Variants in BMP2K observed in about 807,000 individuals in gnomAD.
BMP2K encodes BMP-2-inducible protein kinase.
In BMP2K, 74 loss-of-function variants were observed where a neutral mutation model predicts 116.0. The observed-to-expected ratio is 0.64, with a 90% CI of 0.53 to 0.77. The LOEUF is 0.77. Ranked by LOEUF, BMP2K falls within the 30% of genes least tolerant of loss-of-function variation. The probability of loss-of-function intolerance (pLI) is 0.00; values close to 1 mark genes in which losing one functional copy is unlikely to be tolerated. For missense variants in BMP2K, 1,365 were observed against 1,403.6 expected, an observed-to-expected ratio of 0.97 and a Z score of 0.44; for synonymous variants, 486 against 502.5, an observed-to-expected ratio of 0.97 and a Z score of 0.44.
At chr4:78,838,761 T>C (rs1175919209) in intron 3 of BMP2K, among the ~76,000 whole-genome samples, 1 of 152,240 alleles carries the variant, frequency 6.6e-6, no homozygotes, top group Non-Finnish European at 1.5e-5. Flanking sequence ...ATATAGCTCA[T>C]ATCCCCTTAC....
chr4:78,811,662 C>G (rs1370676395), intron 1 of BMP2K, among the ~76,000 whole-genome samples: 2 of 152,124 alleles, frequency 1.3e-5, no homozygotes, highest in Non-Finnish European at 2.9e-5. Flanking sequence ...AATGTACAAA[C>G]AAATGAGTGC....
At chr4:78,889,055 A>G (rs965401973) in intron 15 of BMP2K, among the ~76,000 whole-genome samples, 3 of 152,078 alleles carry the variant, frequency 2.0e-5, no homozygotes, top group South Asian at 2.1e-4. Context: ...CCCCATCTCT[A>G]CTAAAAATAC....
intron 1 of BMP2K, among the ~76,000 whole-genome samples, chr4:78,793,872 T>C (rs1447817087): frequency 6.6e-6 from 1 of 152,174 alleles, no homozygotes; most frequent in Non-Finnish European, 1.5e-5. Flanking sequence ...ACAGTTTTTT[T>C]TTTACCTTGT....
intron 1 of BMP2K, among the ~76,000 whole-genome samples, chr4:78,814,956 A>G (rs1729262398): frequency 6.6e-6 from 1 of 152,118 alleles, no homozygotes; most frequent in Non-Finnish European, 1.5e-5. Context: ...GAGCTTAACT[A>G]ATTTTTCAAT....
chr4:78,799,093 C>T (rs1407315642), intron 1 of BMP2K, among the ~76,000 whole-genome samples: 4 of 152,116 alleles, frequency 2.6e-5, no homozygotes, highest in Non-Finnish European at 5.9e-5. Context: ...GCAACAGTGC[C>T]GTTCTAATTT....
intron 15 of BMP2K, among the ~76,000 whole-genome samples, chr4:78,905,785 C>T (rs1734253033): frequency 6.6e-6 from 1 of 151,780 alleles, no homozygotes; most frequent in South Asian, 2.1e-4. Context: ...AATCTGGCCC[C>T]AGACACAAAT....
At chr4:78,777,863 G>A (rs1412625123) in intron 1 of BMP2K, among the ~76,000 whole-genome samples, 5 of 152,202 alleles carry the variant, frequency 3.3e-5, no homozygotes, top group Admixed American at 3.3e-4. Context: ...GAAAGAAATC[G>A]TGAATTATTC....
chr4:78,837,706 C>T (rs1199251732), intron 3 of BMP2K, among the ~76,000 whole-genome samples: 1 of 152,066 alleles, frequency 6.6e-6, no homozygotes, highest in Admixed American at 6.6e-5. Flanking sequence ...GTCATCCACA[C>T]TGGAGTCCAA....
intron 13 of BMP2K, among the ~76,000 whole-genome samples, chr4:78,874,942 C>A (rs1732561853): frequency 6.6e-6 from 1 of 152,178 alleles, no homozygotes; most frequent in African/African-American, 2.4e-5. Flanking sequence ...AATCATCTTG[C>A]ATTCCCCAGG....
At chr4:78,796,278 T>C (rs1728268400) in intron 1 of BMP2K, among the ~76,000 whole-genome samples, 1 of 151,244 alleles carries the variant, frequency 6.6e-6, no homozygotes, top group Non-Finnish European at 1.5e-5. Context: ...CAGTAAACTA[T>C]TGCAAGAACA....
In BMP2K at chr4:78,861,095, ATCTT is replaced by A. The variant is rs200656564; in HGVS notation, c.988-288_988-285del. On this transcript the variant is annotated intron_variant, in intron 8 of 15. Transcript: ENST00000502613. ...GTTATTGATTTACGAGTGTAATATA[ATCTT>A]TCTTTTTACTCAAGATTTACCCAAT... is the stretch of plus-strand genomic sequence containing the variant. Among the ~76,000 whole-genome samples the A allele has an allele frequency of 5.6e-3, 844 of 151,950 alleles. 10 individuals are homozygous for A. The highest frequency in any genetic ancestry group is 0.019 in the African/African-American group (799 of 41,498).
At chr4:78,886,631 G>A (rs1439713594) in intron 14 of BMP2K, among the ~76,000 whole-genome samples, 1 of 152,088 alleles carries the variant, frequency 6.6e-6, no homozygotes, top group Admixed American at 6.6e-5. Flanking sequence ...GTAAGTTTTT[G>A]TGAGTGTACG....
intron 15 of BMP2K, among the ~76,000 whole-genome samples, chr4:78,888,419 C>T (rs918200380): frequency 6.6e-6 from 1 of 152,170 alleles, no homozygotes; most frequent in Non-Finnish European, 1.5e-5. Flanking sequence ...TGTAAGTTCT[C>T]AAGAACATAG....
chr4:78,850,778 AT>A, intron 6 of BMP2K, 145 bp from the exon 7 acceptor site: 1 of 675,446 alleles, frequency 1.5e-6, no homozygotes, highest in Non-Finnish European at 2.2e-6. Context: ...CAAAAATTAA[AT>A]ATATTAATTT....
chr4:78,820,717 A>G (rs1469247212), intron 1 of BMP2K: 2 of 152,430 alleles, frequency 1.3e-5, no homozygotes, highest in Admixed American at 6.6e-5. Context: ...GATTACAGGC[A>G]TGTGCCATCA....
intron 7 of BMP2K, among the ~76,000 whole-genome samples, chr4:78,857,951 C>G (rs1032785942): frequency 1.3e-5 from 2 of 151,862 alleles, no homozygotes; most frequent in Non-Finnish European, 2.9e-5. Context: ...TGTAACTGAC[C>G]TCATTATCCT....
In BMP2K at chr4:78,872,712, A is replaced by G; in HGVS notation, c.1707A>G (p.Gln569=). 6.2e-7 allele frequency: 1 copy of G among 1,614,118 alleles called. No individual in the cohort carries two copies. The highest frequency in any genetic ancestry group is 8.5e-7 in the Non-Finnish European group (1 of 1,179,994). Residue 569 remains glutamine (Q), a synonymous_variant, in exon 13 of 16, where the codon CAA becomes CAG. Transcript: ENST00000502613. ...QASPEYLTSP[Q]EFSPALVSYT... ...CACCTGAATATCTTACCTCCCCTCA[A>G]GAGTTCTCACCAGCCTTAGTTTCCT...
intron 1 of BMP2K, among the ~76,000 whole-genome samples, chr4:78,808,447 ACTAGAGACGGGG>A: frequency 6.6e-6 from 1 of 151,422 alleles, no homozygotes; most frequent in Non-Finnish European, 1.5e-5. Flanking sequence ...TTTTATTTTT[ACTAGAGACGGGG>A]TTTTCACCAT....
intron 15 of BMP2K, among the ~76,000 whole-genome samples, chr4:78,887,813 T>C (rs1435483277): frequency 6.6e-6 from 1 of 152,194 alleles, no homozygotes; most frequent in Non-Finnish European, 1.5e-5. Flanking sequence ...TAGGATGGAA[T>C]AGGATCGTGC....
Sources: allele counts gnomAD v4.1 joint callset (sites outside exome capture counted in the v4.1 genomes callset), GRCh38; gene constraint gnomAD v4.1.1; transcripts MANE v1.5; gene names NCBI Gene and HGNC (gene_info 2026-07-23, HGNC 2026-07-21).